GCNT1: variants seen among roughly 807,000 people sequenced by gnomAD.
GCNT1 encodes beta-1,3-galactosyl-O-glycosyl-glycoprotein beta-1,6-N-acetylglucosaminyltransferase.
GCNT1 carries 16 observed loss-of-function variants against 26.2 expected under a neutral mutation model. That is an observed-to-expected ratio of 0.61 (90% CI 0.41 to 0.93). The LOEUF (loss-of-function observed/expected upper bound fraction) is 0.93, where lower values mean the gene tolerates loss of function less well. GCNT1 is among the 40% of genes least tolerant of loss of function. GCNT1 has a pLI of 0.00. For synonymous variants in GCNT1, 183 were observed against 190.8 expected (o/e 0.96, Z 0.34); for missense variants, 477 against 526.7 (o/e 0.91, Z 0.92).
At position 76,504,562 on chromosome 9, in the gene GCNT1, G is replaced by A. The variant is rs1825184009; in HGVS notation, c.*894G>A. On this transcript the variant is annotated 3_prime_UTR_variant, in exon 4 of 4. Coordinates refer to ENST00000376730, the MANE Select transcript of GCNT1 (RefSeq NM_001490.5). ...GTAATTAGTGCAGAAAACTAAGACA[G>A]GATGATACAGGTTTGAGGGGCTGGG... is the stretch of plus-strand genomic sequence containing the variant. The A allele has an allele frequency of 5.0e-6, 2 of 403,052 alleles. No individual in the cohort carries two copies. Among genetic ancestry groups the A allele is most frequent in the Non-Finnish European group, 9.1e-6 (2 of 219,996 alleles). 25.0% of individuals were successfully genotyped at this position (403,052 alleles called of 1,614,324 possible).
In GCNT1 at chr9:76,506,078, A is replaced by G. The variant is rs755947639; in HGVS notation, c.*2410A>G. Reference sequence around the variant, plus strand: ...GGACAATTTACAGCAAATGAAATTTATGATGCTGTGACAAGAAATTTAAAG... The same window carrying G: ...GGACAATTTACAGCAAATGAAATTTGTGATGCTGTGACAAGAAATTTAAAG... On this transcript the variant is annotated 3_prime_UTR_variant, in exon 4 of 4. Coordinates refer to ENST00000376730, the MANE Select transcript of GCNT1 (RefSeq NM_001490.5). 6.0e-5 allele frequency: 10 copies of G among 167,102 alleles called. No homozygotes were observed. Among genetic ancestry groups the G allele is most frequent in the Non-Finnish European group, 1.3e-4 (9 of 68,130 alleles). The allele number at this position is 167,102 out of a possible 1,614,324, so 10.4% of individuals were successfully genotyped here. A position where few individuals can be genotyped will look rare whatever the true frequency, so the allele number is the denominator to read the frequency against.
At chr9:76,447,151 C>CAAAAAAAAAAAAA (rs532132124) in intron 1 of GCNT1, among the ~76,000 whole-genome samples, 1 of 35,992 alleles carries the variant, frequency 2.8e-5, no homozygotes, top group Non-Finnish European at 4.7e-5. Flanking sequence ...AACCCTGTGT[C>CAAAAAAAAAAAAA]AAAAAAAAAA....
chr9:76,403,048 A>G, the GCNT1 span, among the ~76,000 whole-genome samples: 86 of 152,324 alleles, frequency 5.6e-4, no homozygotes, highest in African/African-American at 1.9e-3. Context: ...AACAATTCTT[A>G]TACCTATATG....
chr9:76,440,533 C>T (rs935357826), upstream of GCNT1, among the ~76,000 whole-genome samples: 1 of 152,146 alleles, frequency 6.6e-6, no homozygotes, highest in African/African-American at 2.4e-5. Context: ...ATGTTGCAAC[C>T]TGTGTGTCCC....
the GCNT1 span, chr9:76,394,239 G>A: frequency 6.7e-7 from 1 of 1,492,070 alleles, no homozygotes; most frequent in Non-Finnish European, 9.0e-7. Flanking sequence ...CGTCGACGCG[G>A]CGCCCAGACC....
At chr9:76,453,588 A>C (rs571330954) in intron 1 of GCNT1, among the ~76,000 whole-genome samples, 8 of 152,332 alleles carry the variant, frequency 5.3e-5, no homozygotes, top group African/African-American at 1.9e-4. Flanking sequence ...AGTCAGCCCA[A>C]AGAAAAGTCT....
At chr9:76,466,584 G>A (rs1056115330) in intron 2 of GCNT1, among the ~76,000 whole-genome samples, 24 of 152,220 alleles carry the variant, frequency 1.6e-4, no homozygotes, top group African/African-American at 5.5e-4. Flanking sequence ...TTATAGGCAT[G>A]AGCCACTGTG....
chr9:76,420,474 T>C (rs955394648), intron 1 of GCNT1: 1 of 151,142 alleles, frequency 6.6e-6, no homozygotes, highest in Non-Finnish European at 1.5e-5. Flanking sequence ...GGGGTCTTGC[T>C]ATGTTGCCCA....
At chr9:76,403,029 G>A in the GCNT1 span, among the ~76,000 whole-genome samples, 1 of 152,120 alleles carries the variant, frequency 6.6e-6, no homozygotes, top group Non-Finnish European at 1.5e-5. Context: ...GTTGTCAGTA[G>A]TACTAATAAA....
chr9:76,498,115 A>G (rs1824960240), intron 2 of GCNT1, among the ~76,000 whole-genome samples: 1 of 152,166 alleles, frequency 6.6e-6, no homozygotes, highest in Admixed American at 6.6e-5. Flanking sequence ...TGTTTTCTAG[A>G]TTATTTATCT....
intron 1 of GCNT1, among the ~76,000 whole-genome samples, chr9:76,433,802 G>A (rs1233049239): frequency 6.6e-6 from 1 of 152,180 alleles, no homozygotes; most frequent in Non-Finnish European, 1.5e-5. Context: ...AGTAGGATGT[G>A]TGATGGATTT....
At chr9:76,484,324 A>G (rs543377688) in intron 2 of GCNT1, among the ~76,000 whole-genome samples, 2 of 152,032 alleles carry the variant, frequency 1.3e-5, no homozygotes, top group South Asian at 4.2e-4. Context: ...GAGCCAAGAT[A>G]ATGACATTGT....
At chr9:76,396,723 T>C in the GCNT1 span, among the ~76,000 whole-genome samples, 1 of 152,022 alleles carries the variant, frequency 6.6e-6, no homozygotes, top group African/African-American at 2.4e-5. Context: ...TCACCTGTGG[T>C]CCTAGATACC....
At chr9:76,459,496 C>T (rs1404551936) in intron 1 of GCNT1, among the ~76,000 whole-genome samples, 191 bp downstream of exon 1, 1 of 152,186 alleles carries the variant, frequency 6.6e-6, no homozygotes, top group Non-Finnish European at 1.5e-5. Flanking sequence ...CTTCCTTCCA[C>T]CTTCATTTTC....
Position 76,504,801 on chromosome 9 carries a change from CT to C in GCNT1, c.*1134del, listed in dbSNP as rs1238260721. 3.9e-5 allele frequency: 16 copies of C among 413,408 alleles called. No individual in the cohort carries two copies. The highest frequency in any genetic ancestry group is 8.8e-6 in the Non-Finnish European group (2 of 226,166). 25.6% of individuals were successfully genotyped at this position (413,408 alleles called of 1,614,324 possible). On this transcript the variant is annotated 3_prime_UTR_variant, in exon 4 of 4. Transcript: ENST00000376730. ...CTTGGGTCTTCCCGTTACCTGCCCC[CT>C]GGGTGGTAAGTTTCCTCCTTTCTCA... is the stretch of plus-strand genomic sequence containing the variant.
chr9:76,478,247 C>T (rs1445693082), intron 2 of GCNT1, among the ~76,000 whole-genome samples: 1 of 152,190 alleles, frequency 6.6e-6, no homozygotes, highest in Non-Finnish European at 1.5e-5. Context: ...TCACTCTTTG[C>T]GTCCGCACTA....
intron 2 of GCNT1, among the ~76,000 whole-genome samples, chr9:76,496,760 G>A (rs907591364): frequency 1.7e-4 from 26 of 152,004 alleles, no homozygotes; most frequent in African/African-American, 5.8e-4. Flanking sequence ...TAAAAGTCAA[G>A]TACCAAGAAC....
At chr9:76,468,033 A>G (rs1475114922) in intron 2 of GCNT1, among the ~76,000 whole-genome samples, 1 of 149,082 alleles carries the variant, frequency 6.7e-6, no homozygotes, top group Non-Finnish European at 1.5e-5. Context: ...CAGCCTTCTG[A>G]GTAGCTGGGA....
At chr9:76,396,420 G>A in the GCNT1 span, among the ~76,000 whole-genome samples, 6 of 147,812 alleles carry the variant, frequency 4.1e-5, no homozygotes, top group African/African-American at 1.0e-4. Flanking sequence ...GGAGACTTCC[G>A]TCTATCCAAA....
Sources: allele counts gnomAD v4.1 joint callset (sites outside exome capture counted in the v4.1 genomes callset), GRCh38; gene constraint gnomAD v4.1.1; transcripts MANE v1.5; gene names NCBI Gene and HGNC (gene_info 2026-07-23, HGNC 2026-07-21).